The following RASAL1 variants were observed in gnomAD, a reference collection of about 807,000 sequenced individuals.
RASAL1 encodes rasGAP-activating-like protein 1.
Under a neutral mutation model 96.6 loss-of-function variants are expected in RASAL1, and 72 were observed. The ratio of observed to expected loss-of-function variants is 0.75; its 90% confidence interval spans 0.62 to 0.91. The LOEUF is 0.91. Ranked by LOEUF, RASAL1 falls within the 40% of genes least tolerant of loss-of-function variation. The probability of loss-of-function intolerance (pLI) is 0.00; values close to 1 mark genes in which losing one functional copy is unlikely to be tolerated. For missense variants in RASAL1, 1,016 were observed against 1,072.5 expected (o/e 0.95, Z 0.74); for synonymous variants, 405 against 430.4 (o/e 0.94, Z 0.73).
intron 4 of RASAL1, among the ~76,000 whole-genome samples, chr12:113,125,369 G>T (rs1473945431): frequency 2.0e-5 from 3 of 152,130 alleles, no homozygotes; most frequent in African/African-American, 7.2e-5. Flanking sequence ...AGAAGTAACT[G>T]CCCAAATATG....
In RASAL1 at chr12:113,128,100, C is replaced by CT; in HGVS notation, c.200dup (p.Leu68AlafsTer8). ...CCTCATCCAGCACGTAGAAGGCCAG[C>CT]TGGTGGAAATCCAGAGGCAGGTGCA... On this transcript the variant is annotated frameshift_variant, in exon 3 of 21. Coordinates refer to ENST00000548055, the MANE Select transcript of RASAL1 (RefSeq NM_001301202.2). LOFTEE classifies it high-confidence loss of function. 6.2e-7 allele frequency: 1 copy of CT among 1,614,026 alleles called. No homozygotes were observed. The highest frequency in any genetic ancestry group is 8.5e-7 in the Non-Finnish European group (1 of 1,179,996).
chr12:113,131,410 C>T (rs1302839528), intron 1 of RASAL1, among the ~76,000 whole-genome samples: 1 of 152,064 alleles, frequency 6.6e-6, no homozygotes, highest in Non-Finnish European at 1.5e-5. Context: ...AATGCTGGGC[C>T]GGATCATGGT....
intron 4 of RASAL1, among the ~76,000 whole-genome samples, chr12:113,123,088 T>A (rs551658608): frequency 6.6e-6 from 1 of 152,388 alleles, no homozygotes; most frequent in East Asian, 1.9e-4. Flanking sequence ...AAAGTTTTAT[T>A]TGGTGCTTTT....
At position 113,114,494 on chromosome 12, in the gene RASAL1, A is replaced by G. The variant is rs142748655; in HGVS notation, c.1181+306T>C. Among the ~76,000 whole-genome samples the G allele has an allele frequency of 3.2e-3, 480 of 152,144 alleles. 4 individuals carry two copies. The highest frequency in any genetic ancestry group is 0.01 in the African/African-American group (433 of 41,520). ...GTCTCAAAAAAAAAAAAAAAAGAAA[A>G]AAAGGAAAAGAAAAGAAGCAACTTA... On this transcript the variant is annotated intron_variant, in intron 12 of 20. Transcript: ENST00000548055.
chr12:113,130,391 G>A lies in RASAL1; in HGVS notation c.122+494C>T, dbSNP rs192299920. ...ATGCACCCTACACTGGTACACACAC[G>A]TGAGCCTGTGCCCTGCACAGCCACG... On this transcript the variant is annotated intron_variant, in intron 2 of 20. Coordinates refer to ENST00000548055, the MANE Select transcript of RASAL1 (RefSeq NM_001301202.2). The surrounding 1 kb of genome is among the most constrained non-coding windows in gnomAD (Gnocchi z 5.1). 1.4e-4 allele frequency among the ~76,000 whole-genome samples: 21 copies of A among 152,308 alleles called. No individual in the cohort carries two copies. The highest frequency in any genetic ancestry group is 1.3e-4 in the Admixed American group (2 of 15,304).
rs1950858349 is a variant in RASAL1 at position 113,111,304 on chromosome 12, A to G, written c.1374+782T>C. Among the ~76,000 whole-genome samples, 3 of 152,186 alleles carry G rather than the reference A, an allele frequency of 2.0e-5. No homozygotes were observed. The South Asian group carries it at 6.2e-4, about 32-fold the overall frequency. ...CTATTTTACATCTGGAATTTCAAGA[A>G]GCACTTACTTTGTGCCAGACTCTAT... On this transcript the variant is annotated intron_variant, in intron 13 of 20. Transcript: ENST00000548055.
chr12:113,121,847 G>A (rs182758010), intron 4 of RASAL1, among the ~76,000 whole-genome samples: 12 of 151,094 alleles, frequency 7.9e-5, no homozygotes, highest in Admixed American at 2.6e-4. Context: ...TCACCCTCCC[G>A]ACCAGCTGGG....
chr12:113,115,563 T>C lies in RASAL1; in HGVS notation c.1003+72A>G. ...TTTCCCTCTGCCTGAGGCCTCCCCA[T>C]TCCTCCCCCAGGACCCTCCTGCAAG... On this transcript the variant is annotated intron_variant, in intron 10 of 20. Transcript: ENST00000548055. This position sits in a 1 kb window ranked among gnomAD's most constrained non-coding sequence, Gnocchi z 4.1. The C allele has an allele frequency of 1.3e-6, 2 of 1,554,780 alleles. No homozygotes were observed. The highest frequency in any genetic ancestry group is 2.7e-5 in the African/African-American group (2 of 73,828).
chr12:113,104,135 C>T (rs1613480), intron 17 of RASAL1, 26 bp downstream of exon 17: 1,227,835 of 1,592,330 alleles, frequency 0.77, 474,196 homozygotes, highest in Admixed American at 0.84. Flanking sequence ...GGACGCCCCC[C>T]GCTCCCCATC....
chr12:113,100,497 C>A (rs1465793977), intron 20 of RASAL1, 131 bp downstream of exon 20: 1 of 737,178 alleles, frequency 1.4e-6, no homozygotes. Flanking sequence ...CAGGGTTTCA[C>A]CATGTTGGCC....
chr12:113,126,729 A>ACAC (rs1372948791), intron 4 of RASAL1, among the ~76,000 whole-genome samples: 1 of 142,308 alleles, frequency 7.0e-6, no homozygotes, highest in East Asian at 2.4e-4. Flanking sequence ...CACACACACA[A>ACAC]AAGGCATAGA....
At chr12:113,109,041 G>T (rs148050341) in intron 13 of RASAL1, among the ~76,000 whole-genome samples, 17 of 38,970 alleles carry the variant, frequency 4.4e-4, no homozygotes, top group South Asian at 9.4e-4. Context: ...TTTTTTGTGT[G>T]TGTTTTTTTT....
rs116279838 is a variant in RASAL1 at position 113,115,543 on chromosome 12, C to T, written c.1003+92G>A. 4.0e-3 allele frequency: 5,989 copies of T among 1,492,178 alleles called. 188 individuals carry two copies. In the African/African-American group the frequency reaches 0.072, roughly 18 times the overall value. The allele number at this position is 1,492,178 out of a possible 1,614,324, so 92.4% of individuals were successfully genotyped here. A position where few individuals can be genotyped will look rare whatever the true frequency, so the allele number is the denominator to read the frequency against. ...CCACAGAAAAAGGAGCCCTTTTTCC[C>T]TCTGCCTGAGGCCTCCCCATTCCTC... On this transcript the variant is annotated intron_variant, in intron 10 of 20. Transcript: ENST00000548055. The surrounding 1 kb of genome is among the most constrained non-coding windows in gnomAD (Gnocchi z 4.1).
Position 113,115,123 on chromosome 12 carries a change from T to C in RASAL1, c.1068+77A>G. On this transcript the variant is annotated intron_variant, in intron 11 of 20. Transcript: ENST00000548055. The surrounding 1 kb of genome is among the most constrained non-coding windows in gnomAD (Gnocchi z 4.1). ...TCAGTGCTGTCTGAAGCCAGCTAAG[T>C]GAGGGAGCCAGGTAGGCACTGGGAA... is the stretch of plus-strand genomic sequence containing the variant. 5 of 1,446,978 alleles carry C rather than the reference T, an allele frequency of 3.5e-6. No homozygotes were observed. The highest frequency in any genetic ancestry group is 4.9e-6 in the Non-Finnish European group (5 of 1,030,162). The allele number at this position is 1,446,978 out of a possible 1,614,324, so 89.6% of individuals were successfully genotyped here. A position where few individuals can be genotyped will look rare whatever the true frequency, so the allele number is the denominator to read the frequency against.
chr12:113,105,111 C>T (rs958946800), intron 16 of RASAL1, among the ~76,000 whole-genome samples: 2 of 152,168 alleles, frequency 1.3e-5, no homozygotes, highest in South Asian at 2.1e-4. Context: ...CCCTTCTCAG[C>T]GTTAGCCGTC....
rs1290565718 is a variant in RASAL1 at position 113,104,338 on chromosome 12, T to G, written c.1831-40A>C. Reference sequence around the variant, plus strand: ...TGTCGCTGCAGGATGGGCTGGGGGCTAGGGCCGGGGTGGGGACACCTTCCG... The same window carrying G: ...TGTCGCTGCAGGATGGGCTGGGGGCGAGGGCCGGGGTGGGGACACCTTCCG... On this transcript the variant is annotated intron_variant, in intron 16 of 20. Transcript: ENST00000548055. 4.6e-6 allele frequency: 7 copies of G among 1,527,668 alleles called. No individual in the cohort carries two copies. The Admixed American group carries it at 7.9e-5, about 17-fold the overall frequency. 94.6% of individuals were successfully genotyped at this position (1,527,668 alleles called of 1,614,324 possible). A position where few individuals can be genotyped will look rare whatever the true frequency, so the allele number is the denominator to read the frequency against.
chr12:113,127,928 CAA>C, intron 3 of RASAL1, 55 bp from the exon 4 acceptor site: 1 of 1,592,498 alleles, frequency 6.3e-7, no homozygotes, highest in Non-Finnish European at 8.6e-7. Context: ...TGCCCCGCCC[CAA>C]GAGAAGTGGG....
Position 113,115,390 on chromosome 12 carries a change from C to T in RASAL1, c.1004-126G>A. Reference sequence around the variant, plus strand: ...TCAGGAAGACCCAAAACATCAACCCCATTCACAGTACAGAGGCCCGGAGTG... The same window carrying T: ...TCAGGAAGACCCAAAACATCAACCCTATTCACAGTACAGAGGCCCGGAGTG... On this transcript the variant is annotated intron_variant, in intron 10 of 20. Coordinates refer to ENST00000548055, the MANE Select transcript of RASAL1 (RefSeq NM_001301202.2). This position sits in a 1 kb window ranked among gnomAD's most constrained non-coding sequence, Gnocchi z 4.1. 3.8e-6 allele frequency: 4 copies of T among 1,063,700 alleles called. No homozygotes were observed. Among genetic ancestry groups the T allele is most frequent in the South Asian group, 1.3e-5 (1 of 74,640 alleles). 65.9% of individuals were successfully genotyped at this position (1,063,700 alleles called of 1,614,324 possible).
chr12:113,105,622 C>T (rs1371916512), intron 16 of RASAL1, 92 bp downstream of exon 16: 2 of 1,371,310 alleles, frequency 1.5e-6, no homozygotes, highest in Non-Finnish European at 2.0e-6. Context: ...CCTTGCCCCA[C>T]TGTGGGCCTC....
Sources: gnomAD v4.1 joint callset for allele counts (sites outside exome capture counted in the v4.1 genomes callset) on GRCh38, gnomAD v4.1.1 for gene constraint, Gnocchi (gnomAD v3.1) non-coding constraint, MANE v1.5 for transcripts, NCBI Gene and HGNC (gene_info 2026-07-23, HGNC 2026-07-21) for gene names.